CNTFR: variants seen among roughly 807,000 people sequenced by gnomAD.
CNTFR encodes ciliary neurotrophic factor receptor subunit alpha.
CNTFR carries 12 observed loss-of-function variants against 40.4 expected under a neutral mutation model. The observed-to-expected ratio is 0.30, with a 90% confidence interval of 0.19 to 0.48. The LOEUF is 0.48. Among genes scored for constraint, CNTFR ranks in the 20% least tolerant of loss-of-function variants. The pLI, the probability that CNTFR is intolerant of heterozygous loss-of-function variation, is 0.99. For synonymous variants in CNTFR, 202 were observed against 209.6 expected, an observed-to-expected ratio of 0.96 and a Z score of 0.31; for missense variants, 414 against 506.8, an observed-to-expected ratio of 0.82 and a Z score of 1.76.
At chr9:34,572,525 G>A (rs1304708626) in intron 2 of CNTFR, among the ~76,000 whole-genome samples, 1 of 152,130 alleles carries the variant, frequency 6.6e-6, no homozygotes, top group Non-Finnish European at 1.5e-5. Context: ...AGCAAGGAAG[G>A]AGCCTAGCGC....
intron 7 of CNTFR, among the ~76,000 whole-genome samples, chr9:34,555,917 C>CCGCCA (rs1825814602): frequency 7.3e-6 from 1 of 136,698 alleles, no homozygotes; most frequent in Admixed American, 7.2e-5. Context: ...TCTCCCTCCC[C>CCGCCA]TGCCATCTCC....
In CNTFR at chr9:34,556,425, A is replaced by G. The variant is rs769236052; in HGVS notation, c.605-7T>C. The G allele has an allele frequency of 5.0e-6, 8 of 1,597,502 alleles. No homozygotes were observed. The highest frequency in any genetic ancestry group is 1.7e-5 in the Admixed American group (1 of 58,780). ...TCTGGAGGATCAGGCTTCACTGTTC[A>G]GGAGACATAGCTTCATTACTACACT... On this transcript the variant is annotated splice_polypyrimidine_tract_variant and splice_region_variant and intron_variant, in intron 6 of 9. Transcript: ENST00000378980.
At chr9:34,556,622 T>C (rs1360556683) in intron 6 of CNTFR, among the ~76,000 whole-genome samples, 1 of 152,162 alleles carries the variant, frequency 6.6e-6, no homozygotes, top group East Asian at 1.9e-4. Flanking sequence ...CCATCATCAC[T>C]AATGACTGTC....
rs1825624538 is a variant in CNTFR at position 34,551,585 on chromosome 9, A to AG, written c.*485dup. On this transcript the variant is annotated 3_prime_UTR_variant, in exon 10 of 10. Transcript: ENST00000378980. ...TGTGGGATAGGAGCAGGGTCAGGGG[A>AG]GGGGTATACAAAACAGGGCAGAGGG... 3.9e-6 allele frequency: 1 copy of AG among 258,694 alleles called. No homozygotes were observed. The highest frequency in any genetic ancestry group is 7.5e-6 in the Non-Finnish European group (1 of 132,952). 16.0% of individuals were successfully genotyped at this position (258,694 alleles called of 1,614,324 possible).
chr9:34,575,903 G>C (rs1826937356), intron 2 of CNTFR, among the ~76,000 whole-genome samples: 1 of 152,132 alleles, frequency 6.6e-6, no homozygotes, highest in African/African-American at 2.4e-5. Flanking sequence ...TGCTGGGCAA[G>C]ACCGAGCCAT....
At chr9:34,588,661 G>A (rs1827640864) in intron 1 of CNTFR, among the ~76,000 whole-genome samples, 1 of 152,198 alleles carries the variant, frequency 6.6e-6, no homozygotes, top group African/African-American at 2.4e-5. Context: ...TCAACAAGGC[G>A]TGAAATAGTC....
intron 2 of CNTFR, among the ~76,000 whole-genome samples, chr9:34,579,104 CGGG>C (rs1175609331): frequency 6.6e-6 from 1 of 152,156 alleles, no homozygotes; most frequent in Non-Finnish European, 1.5e-5. Context: ...CGCATGGGGT[CGGG>C]GGCACCAGAC....
intron 3 of CNTFR, among the ~76,000 whole-genome samples, chr9:34,567,263 G>C (rs1826348648): frequency 6.6e-6 from 1 of 152,164 alleles, no homozygotes; most frequent in African/African-American, 2.4e-5. Context: ...CAGGATGAGA[G>C]ACAGAGACGG....
chr9:34,562,307 TTC>T (rs536714501), intron 4 of CNTFR, among the ~76,000 whole-genome samples: 249 of 152,304 alleles, frequency 1.6e-3, no homozygotes, highest in African/African-American at 5.1e-3. Context: ...CCAAGGAGAA[TTC>T]TGTTAGGCTG....
At chr9:34,579,141 G>A (rs1270417357) in intron 2 of CNTFR, among the ~76,000 whole-genome samples, 1 of 152,176 alleles carries the variant, frequency 6.6e-6, no homozygotes, top group Admixed American at 6.5e-5. Flanking sequence ...CACACCAAGG[G>A]CCATACCCTC....
intron 2 of CNTFR, among the ~76,000 whole-genome samples, chr9:34,575,748 C>CA (rs1288155609): frequency 3.2e-5 from 4 of 125,942 alleles, no homozygotes; most frequent in Non-Finnish European, 6.2e-5. Flanking sequence ...CGGCTTATAA[C>CA]AAAAAAAACC....
At chr9:34,558,526 G>T (rs1309979926) in intron 4 of CNTFR, among the ~76,000 whole-genome samples, 1 of 152,200 alleles carries the variant, frequency 6.6e-6, no homozygotes, top group Non-Finnish European at 1.5e-5. Flanking sequence ...GCGTATCTGT[G>T]TTTGTAGATG....
chr9:34,578,249 G>A (rs988523263), intron 2 of CNTFR, among the ~76,000 whole-genome samples: 21 of 152,232 alleles, frequency 1.4e-4, no homozygotes, highest in African/African-American at 4.8e-4. Flanking sequence ...GAGGAGGGGA[G>A]GAAGGAGCGC....
intron 1 of CNTFR, among the ~76,000 whole-genome samples, chr9:34,584,052 G>A (rs1478337594): frequency 6.6e-6 from 1 of 152,204 alleles, no homozygotes; most frequent in Non-Finnish European, 1.5e-5. Context: ...CTCTGAAGAG[G>A]TAAGGAGGAG....
chr9:34,557,868 G>A lies in CNTFR; in HGVS notation c.436C>T (p.Leu146=). 6.4e-7 allele frequency: 1 copy of A among 1,563,112 alleles called. No individual in the cohort carries two copies. The highest frequency in any genetic ancestry group is 8.7e-7 in the Non-Finnish European group (1 of 1,152,864). ...CGGGTCACAGGCGCAGCTACTCACA[G>A]CACAGTCACATTGAAGGTGTTGGGA... The part of the protein sequence containing the change: ...YIPNTFNVTV[L]HGSKIMVCEK... Residue 146 remains leucine (L), a splice_region_variant and synonymous_variant, in exon 5 of 10, where the codon CTG becomes TTG. Transcript: ENST00000378980. This position sits in a 1 kb window ranked among gnomAD's most constrained non-coding sequence, Gnocchi z 4.2.
chr9:34,553,696 C>T (rs1415300555), intron 7 of CNTFR, among the ~76,000 whole-genome samples: 1 of 152,176 alleles, frequency 6.6e-6, no homozygotes, highest in Non-Finnish European at 1.5e-5. Context: ...CCACCCCACT[C>T]TCGCCCCGCT....
intron 3 of CNTFR, among the ~76,000 whole-genome samples, chr9:34,567,068 C>A (rs1023102952): frequency 6.6e-6 from 1 of 152,172 alleles, no homozygotes; most frequent in Non-Finnish European, 1.5e-5. Context: ...TGCAACTGCT[C>A]CAAAGATGGC....
At chr9:34,556,186 T>C (rs1423525270) in intron 7 of CNTFR, 69 bp downstream of exon 7, 2 of 1,521,396 alleles carry the variant, frequency 1.3e-6, no homozygotes, top group Non-Finnish European at 1.8e-6. Flanking sequence ...CCACGTGGGA[T>C]ATGGGTGCCA....
At chr9:34,576,670 G>A (rs1385573272) in intron 2 of CNTFR, among the ~76,000 whole-genome samples, 3 of 152,254 alleles carry the variant, frequency 2.0e-5, no homozygotes, top group African/African-American at 7.2e-5. Context: ...AATGAAGGGA[G>A]ATCCATTCCA....
Sources: allele counts gnomAD v4.1 joint callset (sites outside exome capture counted in the v4.1 genomes callset), GRCh38; gene constraint gnomAD v4.1.1; non-coding constraint Gnocchi (gnomAD v3.1); transcripts MANE v1.5; gene names NCBI Gene and HGNC (gene_info 2026-07-23, HGNC 2026-07-21).